LRP1B: variants seen among roughly 807,000 people sequenced by gnomAD.
The protein encoded by LRP1B is low-density lipoprotein receptor-related protein 1B.
In LRP1B, 217 loss-of-function variants were observed where a neutral mutation model predicts 556.6. The ratio of observed to expected loss-of-function variants is 0.39; its 90% CI spans 0.35 to 0.44. The LOEUF is 0.44. Ranked by LOEUF, LRP1B falls within the 20% of genes least tolerant of loss-of-function variation. The probability of loss-of-function intolerance (pLI) is 1.00; values close to 1 mark genes in which losing one functional copy is unlikely to be tolerated. For missense variants in LRP1B, 5,053 were observed against 5,620.8 expected (o/e 0.90, Z 3.23); for synonymous variants, 2,047 against 1,865.8 (o/e 1.10, Z -2.50).
intron 32 of LRP1B, among the ~76,000 whole-genome samples, chr2:140,798,739 A>G (rs967281215): frequency 1.3e-5 from 2 of 152,156 alleles, no homozygotes; most frequent in Non-Finnish European, 2.9e-5. Context: ...CACAGTTAGT[A>G]TTGTTTAAAA....
At chr2:140,868,073 T>C (rs755623648) in intron 26 of LRP1B, 26 bp downstream of exon 26, 3 of 1,562,022 alleles carry the variant, frequency 1.9e-6, no homozygotes, top group South Asian at 2.4e-5. Context: ...AAAAAAAAAA[T>C]ACAGAAAAGA....
At position 140,428,478 on chromosome 2, in the gene LRP1B, G is replaced by A. The variant is rs577279471; in HGVS notation, c.10414+14026C>T. ...CACAGCCCGGGATTCCTCCTAAGCC[G>A]CTTCCCATCTGTGCGGGACCCCACT... On this transcript the variant is annotated intron_variant, in intron 66 of 90. Coordinates refer to ENST00000389484, the MANE Select transcript of LRP1B (RefSeq NM_018557.3). Among the ~76,000 whole-genome samples, 265 of 152,256 alleles carry A rather than the reference G, an allele frequency of 1.7e-3. 2 individuals carry two copies. Among genetic ancestry groups the A allele is most frequent in the African/African-American group, 3.8e-3 (159 of 41,556 alleles).
chr2:141,201,036 A>G (rs550843752), intron 6 of LRP1B, among the ~76,000 whole-genome samples: 1 of 152,260 alleles, frequency 6.6e-6, no homozygotes, highest in South Asian at 2.1e-4. Flanking sequence ...ATAATAAGTC[A>G]CTTTACCTGA....
chr2:141,661,373 G>A (rs967138662), intron 2 of LRP1B, among the ~76,000 whole-genome samples: 4 of 152,136 alleles, frequency 2.6e-5, no homozygotes, highest in Non-Finnish European at 5.9e-5. Context: ...AGGTAATACC[G>A]AACTTCACTG....
chr2:141,669,029 T>C (rs1690560970), intron 2 of LRP1B, among the ~76,000 whole-genome samples: 1 of 152,174 alleles, frequency 6.6e-6, no homozygotes, highest in Non-Finnish European at 1.5e-5. Flanking sequence ...ATCATAAATG[T>C]TCTGAGTTAG....
At chr2:141,180,840 ACAAATAAT>A (rs1680956844) in intron 7 of LRP1B, among the ~76,000 whole-genome samples, 1 of 152,006 alleles carries the variant, frequency 6.6e-6, no homozygotes, top group Admixed American at 6.6e-5. Context: ...GAGATTTGGA[ACAAATAAT>A]ATTTGTTCAC....
chr2:140,623,342 A>T (rs944667671), intron 41 of LRP1B, among the ~76,000 whole-genome samples: 7 of 152,198 alleles, frequency 4.6e-5, no homozygotes, highest in African/African-American at 1.7e-4. Context: ...CCCCCTTAAG[A>T]AAAAACAAAA....
intron 37 of LRP1B, among the ~76,000 whole-genome samples, chr2:140,703,556 T>C (rs1686722283): frequency 6.6e-6 from 1 of 152,182 alleles, no homozygotes; most frequent in African/African-American, 2.4e-5. Flanking sequence ...ATGGGAAGCA[T>C]TGATTCAACA....
intron 2 of LRP1B, among the ~76,000 whole-genome samples, chr2:141,677,978 G>A (rs1017325862): frequency 1.3e-5 from 2 of 152,256 alleles, no homozygotes; most frequent in Admixed American, 6.5e-5. Flanking sequence ...GGGACAAGGG[G>A]ATGTAATAGA....
chr2:141,269,492 A>G (rs1306705810), intron 3 of LRP1B, among the ~76,000 whole-genome samples: 1 of 152,198 alleles, frequency 6.6e-6, no homozygotes, highest in African/African-American at 2.4e-5. Context: ...TCAGATAAAC[A>G]GATAGTCAAA....
chr2:141,262,218 C>T (rs1180802575), intron 3 of LRP1B, among the ~76,000 whole-genome samples: 3 of 151,320 alleles, frequency 2.0e-5, no homozygotes, highest in Non-Finnish European at 2.9e-5. Context: ...AATCTTCTGC[C>T]GACTGTTATT....
chr2:141,215,307 C>A (rs1261306679), intron 6 of LRP1B, among the ~76,000 whole-genome samples: 1 of 152,196 alleles, frequency 6.6e-6, no homozygotes, highest in African/African-American at 2.4e-5. Flanking sequence ...GCCTGCAGAA[C>A]CATGAGCAAA....
chr2:140,985,009 T>G (rs1315783070), intron 17 of LRP1B, among the ~76,000 whole-genome samples: 1 of 152,120 alleles, frequency 6.6e-6, no homozygotes, highest in African/African-American at 2.4e-5. Flanking sequence ...TAAGTTAGTT[T>G]GGAGGCAAGA....
At chr2:142,042,542 TTA>T (rs975758297) in intron 1 of LRP1B, among the ~76,000 whole-genome samples, 8 of 151,496 alleles carry the variant, frequency 5.3e-5, no homozygotes, top group Non-Finnish European at 1.5e-5. Context: ...TAGTTCTGAA[TTA>T]TGACTTTTTT....
At chr2:141,586,944 AAAAAAAAG>A (rs1687162441) in intron 2 of LRP1B, among the ~76,000 whole-genome samples, 1 of 151,282 alleles carries the variant, frequency 6.6e-6, no homozygotes, top group Admixed American at 6.6e-5. Flanking sequence ...TCCATCTCAA[AAAAAAAAG>A]AAAAAAAAAA....
chr2:141,616,103 G>C (rs4316887), intron 2 of LRP1B, among the ~76,000 whole-genome samples: 26,203 of 151,856 alleles, frequency 0.17, 2,807 homozygotes, highest in South Asian at 0.32. Flanking sequence ...CCAACATGTT[G>C]AAACCCTGTA....
intron 41 of LRP1B, among the ~76,000 whole-genome samples, chr2:140,602,380 T>A (rs574306711): frequency 2.2e-4 from 34 of 152,212 alleles, no homozygotes; most frequent in South Asian, 6.2e-4. Context: ...CATAAGTAGC[T>A]GTTTTATTTT....
chr2:140,833,594 T>A (rs1378724658), intron 31 of LRP1B, among the ~76,000 whole-genome samples: 2 of 152,236 alleles, frequency 1.3e-5, no homozygotes, highest in Non-Finnish European at 2.9e-5. Flanking sequence ...CTTGTTTATA[T>A]TACTGAGCCT....
chr2:140,808,265 T>C (rs1690795393), intron 32 of LRP1B, among the ~76,000 whole-genome samples: 1 of 101,252 alleles, frequency 9.9e-6, no homozygotes, highest in South Asian at 3.2e-4. Context: ...ATTTGAGCCA[T>C]GACAATGTTA....
Sources: gnomAD v4.1 joint callset for allele counts (sites outside exome capture counted in the v4.1 genomes callset) on GRCh38, gnomAD v4.1.1 for gene constraint, MANE v1.5 for transcripts, NCBI Gene and HGNC (gene_info 2026-07-23, HGNC 2026-07-21) for gene names.